The following FAM47E variants were observed in gnomAD, a reference collection of about 807,000 sequenced individuals.
FAM47E encodes protein FAM47E.
FAM47E carries 32 observed loss-of-function variants against 41.6 expected under a neutral mutation model. The ratio of observed to expected loss-of-function variants is 0.77; its 90% confidence interval spans 0.58 to 1.03. The LOEUF is 1.03. Ranked by LOEUF, FAM47E falls within the 50% of genes least tolerant of loss-of-function variation. FAM47E has a pLI of 0.00. For missense variants in FAM47E, 424 were observed against 485.4 expected, an observed-to-expected ratio of 0.87 and a Z score of 1.19; for synonymous variants, 184 against 188.7, an observed-to-expected ratio of 0.98 and a Z score of 0.20.
chr4:76,257,121 T>C (rs532578075), intron 2 of FAM47E, among the ~76,000 whole-genome samples: 9 of 152,264 alleles, frequency 5.9e-5, no homozygotes, highest in African/African-American at 2.2e-4. Context: ...CTTCCAGGCA[T>C]TGAGTCTGTA....
In FAM47E at chr4:76,237,960, T is replaced by G. The variant is rs147630750; in HGVS notation, c.81+20272T>G. 3.1e-3 allele frequency among the ~76,000 whole-genome samples: 470 copies of G among 152,236 alleles called. 4 individuals are homozygous for G. The highest frequency in any genetic ancestry group is 0.011 in the African/African-American group (451 of 41,526). On this transcript the variant is annotated intron_variant, in intron 2 of 7. Coordinates refer to the FAM47E transcript ENST00000510197. ...AGGGGATTACAATTCAACATGAGAT[T>G]TGGGTGGGGACATTTGTCCAAACTA...
At chr4:76,279,698 T>C in intron 6 of FAM47E, 1 of 152,292 alleles carries the variant, frequency 6.6e-6, no homozygotes, top group Non-Finnish European at 1.5e-5. Context: ...TGTGGGGTAC[T>C]GGTAAGAGAC....
At chr4:76,268,554 G>T in intron 3 of FAM47E, 106 bp from the exon 4 acceptor site, 1 of 1,183,652 alleles carries the variant, frequency 8.4e-7, no homozygotes, top group South Asian at 1.5e-5. Flanking sequence ...GCAAGAGACT[G>T]TTAGAAATAC....
At chr4:76,227,784 C>G (rs1274424489) in intron 2 of FAM47E, among the ~76,000 whole-genome samples, 1 of 152,108 alleles carries the variant, frequency 6.6e-6, no homozygotes, top group Non-Finnish European at 1.5e-5. Context: ...TAATGTGCCA[C>G]CTCTTTGTCT....
rs72858580 is a variant in FAM47E, at chr4:76,242,880, C to T, written c.82-20824C>T. Among the ~76,000 whole-genome samples, 1,448 of 152,264 alleles carry T rather than the reference C, an allele frequency of 9.5e-3. 26 individuals are homozygous for T. The highest frequency in any genetic ancestry group is 0.033 in the African/African-American group (1,373 of 41,542). On this transcript the variant is annotated intron_variant, in intron 2 of 7. Coordinates refer to the FAM47E transcript ENST00000510197. ...ATGACTACTAGAAAATGTATACTTA[C>T]GTGGCTCACATTTGTGGATTGCATT...
chr4:76,218,465 G>A (rs76773060), intron 2 of FAM47E, among the ~76,000 whole-genome samples: 19 of 152,288 alleles, frequency 1.2e-4, no homozygotes, highest in Middle Eastern at 3.4e-3. Flanking sequence ...AGGCCACAGG[G>A]ACTCTCTGTG....
intron 2 of FAM47E, among the ~76,000 whole-genome samples, chr4:76,244,949 T>C (rs553495338): frequency 8.5e-4 from 129 of 152,362 alleles, no homozygotes; most frequent in African/African-American, 2.9e-3. Context: ...TTCATTCTGT[T>C]TTTCTTCATT....
chr4:76,237,473 G>A (rs1381187731), intron 2 of FAM47E, among the ~76,000 whole-genome samples: 1 of 150,414 alleles, frequency 6.6e-6, no homozygotes, highest in Non-Finnish European at 1.5e-5. Flanking sequence ...TCCTTTTGAT[G>A]TCTGTCTGTC....
At chr4:76,260,819 C>T (rs1022659554) in intron 2 of FAM47E, among the ~76,000 whole-genome samples, 2 of 152,096 alleles carry the variant, frequency 1.3e-5, no homozygotes, top group Non-Finnish European at 2.9e-5. Context: ...ATACATGTGA[C>T]AAAGGACTAA....
intron 4 of FAM47E, among the ~76,000 whole-genome samples, chr4:76,271,039 T>C (rs142742034): frequency 1.2e-3 from 179 of 152,314 alleles, no homozygotes; most frequent in Middle Eastern, 6.8e-3. Flanking sequence ...GAGTCTAAGA[T>C]ATAGCCTTGA....
intron 1 of FAM47E, among the ~76,000 whole-genome samples, chr4:76,252,269 G>T (rs989615672): frequency 2.0e-5 from 3 of 152,130 alleles, no homozygotes; most frequent in Non-Finnish European, 4.4e-5. Context: ...GCCAAGTGGA[G>T]CCCAGGGTTG....
chr4:76,275,323 T>G (rs17236661), intron 5 of FAM47E, among the ~76,000 whole-genome samples: 26,936 of 152,192 alleles, frequency 0.18, 2,572 homozygotes, highest in Middle Eastern at 0.24. Context: ...AGTATGCTGA[T>G]TTTTCCATGG....
chr4:76,250,666 T>C (rs538405070), upstream of FAM47E, among the ~76,000 whole-genome samples: 44 of 152,312 alleles, frequency 2.9e-4, no homozygotes, highest in South Asian at 8.3e-3. Flanking sequence ...ACAGAAACCC[T>C]ACCTCCTCAA....
Position 76,256,326 on chromosome 4 carries a change from C to T in FAM47E, c.223C>T (p.Leu75=), listed in dbSNP as rs776314564. ...LVTQVPVEGF[L]PQIYHRAPQL... is the part of the protein sequence containing the mutation. ...GACTCAGGTCCCTGTGGAGGGCTTTCTGCCCCAGATTTATCACAGAGCTCC... is the reference window on the plus strand; with the variant it reads ...GACTCAGGTCCCTGTGGAGGGCTTTTTGCCCCAGATTTATCACAGAGCTCC... Residue 75 remains leucine (L), a synonymous_variant, in exon 2 of 8, where the codon CTG becomes TTG. Coordinates refer to ENST00000424749, the MANE Select transcript of FAM47E (RefSeq NM_001136570.3). 271 of 1,551,586 alleles carry T rather than the reference C, an allele frequency of 1.7e-4. 1 individual carries two copies. The highest frequency in any genetic ancestry group is 2.3e-4 in the Non-Finnish European group (260 of 1,147,006).
At chr4:76,217,598 C>G in exon 2 of FAM47E, 1 of 558,386 alleles carries the variant, frequency 1.8e-6, no homozygotes, top group Non-Finnish European at 3.2e-6. Flanking sequence ...CAGCCTGAGG[C>G]CCTCATCCAA....
chr4:76,248,163 C>T (rs1022546631), upstream of FAM47E, among the ~76,000 whole-genome samples: 3 of 152,012 alleles, frequency 2.0e-5, no homozygotes, highest in African/African-American at 7.3e-5. Context: ...ATCCGCCCAT[C>T]TCAGCCTCCC....
chr4:76,283,252 T>G (rs1735433269), intron 7 of FAM47E, 129 bp from the exon 8 acceptor site: 1 of 557,174 alleles, frequency 1.8e-6, no homozygotes, highest in Non-Finnish European at 3.3e-6. Context: ...TAACATGTGA[T>G]TTTGCATAGT....
chr4:76,242,273 G>A (rs12643198), intron 2 of FAM47E, among the ~76,000 whole-genome samples: 18,039 of 152,108 alleles, frequency 0.12, 1,405 homozygotes, highest in East Asian at 0.34. Flanking sequence ...CCTTGCAATA[G>A]TGAGTGAGTT....
At position 76,268,723 on chromosome 4, in the gene FAM47E, G is replaced by A. The variant is rs1734748864; in HGVS notation, c.624G>A (p.Met208Ile). 6.4e-6 allele frequency: 10 copies of A among 1,551,330 alleles called. No individual in the cohort carries two copies. Among genetic ancestry groups the A allele is most frequent in the Admixed American group, 2.0e-5 (1 of 50,946 alleles). Residue 208 changes from methionine (M) to isoleucine (I), a missense_variant, in exon 4 of 8, where the codon ATG becomes ATA. Met to Ile is a conservative substitution (Grantham distance 10, BLOSUM62 1). Transcript: ENST00000424749. ...QWLYEEKPHK[M>I]DLLHENGPRP... ...TTTATGAAGAAAAGCCACATAAAAT[G>A]GATTTGCTCCATGAAAATGGTCCTC...
Sources: gnomAD v4.1 joint callset for allele counts (sites outside exome capture counted in the v4.1 genomes callset) on GRCh38, gnomAD v4.1.1 for gene constraint, MANE v1.5 for transcripts, NCBI Gene and HGNC (gene_info 2026-07-23, HGNC 2026-07-21) for gene names.